The following PTPRO variants were observed in gnomAD, a reference collection of about 807,000 sequenced individuals.
PTPRO encodes the protein protein tyrosine phosphatase receptor type O, also known as receptor-type tyrosine-protein phosphatase O.
A neutral mutation model predicts 145.2 loss-of-function variants in PTPRO; 62 were observed. That is an observed-to-expected ratio of 0.43 (90% CI 0.35 to 0.53). PTPRO has a LOEUF of 0.53. Ranked by LOEUF, PTPRO falls within the 20% of genes least tolerant of loss-of-function variation. The pLI is 0.01. For missense variants in PTPRO, 1,345 were observed against 1,482.7 expected (o/e 0.91, Z 1.53); for synonymous variants, 565 against 514.7 (o/e 1.10, Z -1.32).
chr12:15,415,674 T>C lies in PTPRO; in HGVS notation c.76-68300T>C, dbSNP rs147995515. Among the ~76,000 whole-genome samples, 976 of 151,852 alleles carry C rather than the reference T, an allele frequency of 6.4e-3. 42 individuals are homozygous for C. The highest frequency in any genetic ancestry group is 0.021 in the African/African-American group (880 of 41,128). ...TGCTGGGATTACAGGCGTGAGCCAC[T>C]GTGCCCGGCCTATGTGAAATGAATT... On this transcript the variant is annotated intron_variant, in intron 1 of 26. Coordinates refer to ENST00000281171, the MANE Select transcript of PTPRO (RefSeq NM_030667.3).
intron 1 of PTPRO, among the ~76,000 whole-genome samples, chr12:15,395,234 G>C: frequency 6.6e-6 from 1 of 152,108 alleles, no homozygotes; most frequent in Non-Finnish European, 1.5e-5. Context: ...ATCACGGCAG[G>C]GTGAGAAGTG....
rs376454403 is a variant in PTPRO at position 15,490,806 on chromosome 12, T to A, written c.350-6439T>A. Among the ~76,000 whole-genome samples, 60 of 152,198 alleles carry A rather than the reference T, an allele frequency of 3.9e-4. 1 individual carries two copies. In the South Asian group the frequency reaches 0.011, roughly 28 times the overall value. The stretch of plus-strand genomic sequence containing the variant: ...AGAAGTGAAGGAGATTGAGACAGAT[T>A]GGGCAGGGAAATATCAGTGAGAAGG... On this transcript the variant is annotated intron_variant, in intron 2 of 26. Transcript: ENST00000281171.
Position 15,590,902 on chromosome 12 carries a change from A to G in PTPRO, c.3546+1312A>G, listed in dbSNP as rs183036917. 1.4e-3 allele frequency among the ~76,000 whole-genome samples: 210 copies of G among 152,290 alleles called. 1 individual carries two copies. Among genetic ancestry groups the G allele is most frequent in the African/African-American group, 4.8e-3 (200 of 41,552 alleles). ...TCTGGTGAGTAAACAGTGCTTTATT[A>G]ATCGGTCCATATTTTTGGCTTTTAC... On this transcript the variant is annotated intron_variant, in intron 25 of 26. Coordinates refer to ENST00000281171, the MANE Select transcript of PTPRO (RefSeq NM_030667.3).
At chr12:15,466,709 G>C (rs575102251) in intron 1 of PTPRO, among the ~76,000 whole-genome samples, 1 of 152,266 alleles carries the variant, frequency 6.6e-6, no homozygotes, top group South Asian at 2.1e-4. Context: ...AAGAACCTAA[G>C]GCTGAGAGAA....
chr12:15,362,601 T>C (rs1480833659), intron 1 of PTPRO, among the ~76,000 whole-genome samples: 1 of 152,168 alleles, frequency 6.6e-6, no homozygotes, highest in Non-Finnish European at 1.5e-5. Context: ...TATTATTATA[T>C]GCTCTTCCTT....
chr12:15,555,876 C>T lies in PTPRO; in HGVS notation c.2559-1579C>T, dbSNP rs78889061. On this transcript the variant is annotated intron_variant, in intron 15 of 26. Transcript: ENST00000281171. ...ATATTTAAAAAGCAAATGTGTTGTA[C>T]ACTTTTTAATTAGTATATTCAATGT... 2.3e-3 allele frequency among the ~76,000 whole-genome samples: 354 copies of T among 152,248 alleles called. 3 individuals are homozygous for T. The highest frequency in any genetic ancestry group is 3.7e-3 in the Non-Finnish European group (252 of 68,030).
chr12:15,573,639 C>A (rs1485787280), intron 19 of PTPRO, among the ~76,000 whole-genome samples: 1 of 152,134 alleles, frequency 6.6e-6, no homozygotes, highest in Admixed American at 6.6e-5. Flanking sequence ...TGTTTTAAGT[C>A]ACAGGCTTAG....
chr12:15,446,574 T>C (rs1940908037), intron 1 of PTPRO, among the ~76,000 whole-genome samples: 1 of 151,990 alleles, frequency 6.6e-6, no homozygotes, highest in African/African-American at 2.4e-5. Flanking sequence ...AAGGCAAATA[T>C]ATGATGCCCG....
At chr12:15,522,292 C>G (rs1942740013) in intron 10 of PTPRO, among the ~76,000 whole-genome samples, 1 of 148,700 alleles carries the variant, frequency 6.7e-6, no homozygotes, top group African/African-American at 2.5e-5. Flanking sequence ...GATACATGTA[C>G]AGAACATGCA....
chr12:15,556,868 G>C (rs560371293), intron 15 of PTPRO, among the ~76,000 whole-genome samples: 1 of 151,994 alleles, frequency 6.6e-6, no homozygotes, highest in Admixed American at 6.6e-5. Flanking sequence ...ATTTCTTTTA[G>C]AATCATGAAT....
At chr12:15,350,453 C>T (rs1036057172) in intron 1 of PTPRO, among the ~76,000 whole-genome samples, 1 of 152,174 alleles carries the variant, frequency 6.6e-6, no homozygotes, top group Non-Finnish European at 1.5e-5. Flanking sequence ...ACCCTACCCC[C>T]CAATTAGCTG....
intron 18 of PTPRO, among the ~76,000 whole-genome samples, chr12:15,567,074 C>G (rs1339904706): frequency 6.6e-6 from 1 of 152,102 alleles, no homozygotes; most frequent in Middle Eastern, 3.2e-3. Context: ...TCCCATGACT[C>G]AGGCAAAGAA....
intron 1 of PTPRO, among the ~76,000 whole-genome samples, chr12:15,347,207 C>G: frequency 6.6e-6 from 1 of 152,156 alleles, no homozygotes; most frequent in East Asian, 1.9e-4. Flanking sequence ...AATTGGCTAT[C>G]TGGAAAAGTC....
intron 7 of PTPRO, among the ~76,000 whole-genome samples, chr12:15,513,103 GA>G (rs1292978827): frequency 0.022 from 359 of 16,110 alleles, 32 homozygotes; most frequent in African/African-American, 0.043. Flanking sequence ...AAGAAAGAAA[GA>G]AAGAAAGGAA....
chr12:15,390,440 A>C (rs541907734), intron 1 of PTPRO, among the ~76,000 whole-genome samples: 1 of 152,284 alleles, frequency 6.6e-6, no homozygotes, highest in South Asian at 2.1e-4. Context: ...TTGTGCAGGG[A>C]AAGTCCCCTT....
At position 15,598,259 on chromosome 12, in the gene PTPRO, C is replaced by T. The variant is rs1175240278; in HGVS notation, c.*2186C>T. ...GAAAAGGCATCAGTCTGTCAAAAGA[C>T]TTGTTTAATCCTGATAATGACTTTG... On this transcript the variant is annotated 3_prime_UTR_variant, in exon 27 of 27. Transcript: ENST00000281171. Among the ~76,000 whole-genome samples, 1 of 152,176 alleles carries T rather than the reference C, an allele frequency of 6.6e-6. No homozygotes were observed. Among genetic ancestry groups the T allele is most frequent in the African/African-American group, 2.4e-5 (1 of 41,436 alleles).
intron 1 of PTPRO, among the ~76,000 whole-genome samples, chr12:15,417,704 A>G (rs1485254398): frequency 6.6e-6 from 1 of 151,774 alleles, no homozygotes; most frequent in African/African-American, 2.4e-5. Context: ...CCTTCTTAGA[A>G]AAGAACTGAC....
chr12:15,392,435 CCCAGG>C (rs1939212540), intron 1 of PTPRO, among the ~76,000 whole-genome samples: 1 of 151,994 alleles, frequency 6.6e-6, no homozygotes, highest in South Asian at 2.1e-4. Flanking sequence ...AGAAGGGGAG[CCCAGG>C]CCAGGCATGG....
intron 1 of PTPRO, among the ~76,000 whole-genome samples, chr12:15,443,699 A>G (rs949833479): frequency 2.0e-5 from 3 of 152,194 alleles, no homozygotes; most frequent in Non-Finnish European, 4.4e-5. Flanking sequence ...ATGAACAGAC[A>G]CGCCTCAAAA....
Sources: allele counts gnomAD v4.1 joint callset (sites outside exome capture counted in the v4.1 genomes callset), GRCh38; gene constraint gnomAD v4.1.1; transcripts MANE v1.5; gene names NCBI Gene and HGNC (gene_info 2026-07-23, HGNC 2026-07-21).